ARMC9: variants seen among roughly 807,000 people sequenced by gnomAD.
The protein encoded by ARMC9 is armadillo repeat containing 9, also known as lisH domain-containing protein ARMC9.
In ARMC9, 94 loss-of-function variants were observed where a neutral mutation model predicts 107.0. The ratio of observed to expected loss-of-function variants is 0.88; its 90% CI spans 0.74 to 1.04. The LOEUF is 1.04. ARMC9 is among the 50% of genes least tolerant of loss of function. ARMC9 has a pLI of 0.00. For missense variants in ARMC9, 942 were observed against 1,030.1 expected (o/e 0.91, Z 1.17); for synonymous variants, 380 against 396.9 (o/e 0.96, Z 0.51).
chr2:231,299,839 A>G (rs1473976610), intron 19 of ARMC9, among the ~76,000 whole-genome samples: 1 of 152,206 alleles, frequency 6.6e-6, no homozygotes, highest in East Asian at 1.9e-4. Context: ...CCCCAGACCC[A>G]TTTAAACCTC....
At chr2:231,236,112 G>A (rs1274538045) in intron 8 of ARMC9, among the ~76,000 whole-genome samples, 1 of 152,118 alleles carries the variant, frequency 6.6e-6, no homozygotes, top group Non-Finnish European at 1.5e-5. Context: ...ATTAGCAAAG[G>A]ATAAATTGTC....
At chr2:231,286,432 G>A (rs894444532) in intron 17 of ARMC9, among the ~76,000 whole-genome samples, 2 of 152,176 alleles carry the variant, frequency 1.3e-5, no homozygotes, top group Admixed American at 6.5e-5. Flanking sequence ...GTATTTGTAT[G>A]TGTGTCAGCA....
At position 231,278,314 on chromosome 2, in the gene ARMC9, C is replaced by G; in HGVS notation, c.1475-68C>G. On this transcript the variant is annotated intron_variant, in intron 15 of 24. Coordinates refer to ENST00000611582, the MANE Select transcript of ARMC9 (RefSeq NM_001352754.2). ...GAGGAGCCAAGATTTGTCTCCAAGT[C>G]TACCTGACCTAAAATTGTGCTTCTG... is the stretch of plus-strand genomic sequence containing the variant. The G allele has an allele frequency of 1.4e-5, 21 of 1,510,774 alleles. 1 individual carries two copies. In the South Asian group the frequency reaches 2.3e-4, roughly 16 times the overall value. 93.6% of individuals were successfully genotyped at this position (1,510,774 alleles called of 1,614,324 possible).
chr2:231,228,107 G>A (rs533463191), intron 7 of ARMC9, among the ~76,000 whole-genome samples: 1 of 152,318 alleles, frequency 6.6e-6, no homozygotes, highest in East Asian at 1.9e-4. Context: ...CCCAGGCCTG[G>A]CCACGGTGCG....
chr2:231,249,623 A>G (rs970439903), intron 9 of ARMC9, among the ~76,000 whole-genome samples: 1 of 152,026 alleles, frequency 6.6e-6, no homozygotes, highest in Non-Finnish European at 1.5e-5. Flanking sequence ...TGGCTTAGGT[A>G]GGCATTTATT....
intron 9 of ARMC9, among the ~76,000 whole-genome samples, chr2:231,245,591 C>T (rs755446069): frequency 3.9e-4 from 59 of 152,358 alleles, no homozygotes; most frequent in Non-Finnish European, 6.3e-4. Flanking sequence ...CCTGCCCTCC[C>T]GTGGGAACCT....
intron 21 of ARMC9, among the ~76,000 whole-genome samples, chr2:231,350,989 C>T (rs1162432274): frequency 9.0e-5 from 9 of 99,592 alleles, no homozygotes; most frequent in East Asian, 3.0e-4. Context: ...GACAGAGTCT[C>T]GCTCTGTCAG....
intron 20 of ARMC9, among the ~76,000 whole-genome samples, chr2:231,343,828 A>G (rs749898389): frequency 6.6e-6 from 1 of 151,948 alleles, no homozygotes; most frequent in East Asian, 1.9e-4. Context: ...AATCCCATCT[A>G]CTGGGGAGGC....
At chr2:231,202,089 T>TCC (rs539912542) in intron 1 of ARMC9, among the ~76,000 whole-genome samples, 2 of 151,742 alleles carry the variant, frequency 1.3e-5, no homozygotes, top group Non-Finnish European at 2.9e-5. Context: ...AACCTCCACT[T>TCC]CCTGGGTTCA....
chr2:231,284,074 A>G (rs1178423703), intron 17 of ARMC9, among the ~76,000 whole-genome samples: 1 of 152,182 alleles, frequency 6.6e-6, no homozygotes, highest in Non-Finnish European at 1.5e-5. Flanking sequence ...TTGGTCAACA[A>G]AAGACTGCAT....
chr2:231,276,801 T>C (rs186698511), intron 15 of ARMC9, 26 bp downstream of exon 15: 2 of 1,612,174 alleles, frequency 1.2e-6, no homozygotes, highest in African/African-American at 2.7e-5. Context: ...CTCATTCTAG[T>C]GCAAGAAGGG....
At chr2:231,307,374 G>C (rs578058968) in intron 19 of ARMC9, among the ~76,000 whole-genome samples, 1 of 152,178 alleles carries the variant, frequency 6.6e-6, no homozygotes, top group South Asian at 2.1e-4. Flanking sequence ...ATGGCCAGGC[G>C]TGTAAGAGCC....
intron 8 of ARMC9, among the ~76,000 whole-genome samples, chr2:231,239,296 T>C (rs146535398): frequency 1.3e-5 from 2 of 152,240 alleles, no homozygotes; most frequent in East Asian, 3.9e-4. Context: ...TCGTAGCTGG[T>C]GAGAGAGGCA....
At chr2:231,339,048 G>A (rs1222234326) in intron 20 of ARMC9, among the ~76,000 whole-genome samples, 3 of 152,116 alleles carry the variant, frequency 2.0e-5, no homozygotes, top group Admixed American at 2.0e-4. Flanking sequence ...TATATGTATA[G>A]GCTGGGTGTG....
intron 19 of ARMC9, among the ~76,000 whole-genome samples, chr2:231,306,256 A>G (rs2042028817): frequency 6.6e-6 from 1 of 152,100 alleles, no homozygotes; most frequent in Admixed American, 6.5e-5. Context: ...CTATAAATCA[A>G]TTTGAGTGTT....
chr2:231,211,526 T>C (rs932684446), intron 3 of ARMC9, among the ~76,000 whole-genome samples: 2 of 151,656 alleles, frequency 1.3e-5, no homozygotes, highest in African/African-American at 4.9e-5. Flanking sequence ...AAGTGAGACT[T>C]TGTCTCAAAA....
chr2:231,344,959 T>C lies in ARMC9; in HGVS notation c.1879-16T>C. 2 of 1,613,730 alleles carry C rather than the reference T, an allele frequency of 1.2e-6. No individual in the cohort carries two copies. The highest frequency in any genetic ancestry group is 1.7e-6 in the Non-Finnish European group (2 of 1,179,840). On this transcript the variant is annotated splice_polypyrimidine_tract_variant and intron_variant, in intron 20 of 24. Coordinates refer to ENST00000611582, the MANE Select transcript of ARMC9 (RefSeq NM_001352754.2). ...TAGATATTTCTCCAGCCCTTTTTTCTCTTTCCTTCCACCAGATCATGACCA... is the reference window on the plus strand; with the variant it reads ...TAGATATTTCTCCAGCCCTTTTTTCCCTTTCCTTCCACCAGATCATGACCA...
At chr2:231,279,731 T>C (rs888820930) in intron 16 of ARMC9, among the ~76,000 whole-genome samples, 3 of 152,056 alleles carry the variant, frequency 2.0e-5, no homozygotes, top group South Asian at 4.2e-4. Flanking sequence ...AGGCTGGTCT[T>C]GAACTCCTGA....
At chr2:231,351,049 C>T (rs549441417) in intron 21 of ARMC9, among the ~76,000 whole-genome samples, 39 of 135,678 alleles carry the variant, frequency 2.9e-4, no homozygotes, top group South Asian at 2.1e-3. Context: ...AGCTCCATCT[C>T]CCAGTTCACG....
Sources: allele counts gnomAD v4.1 joint callset (sites outside exome capture counted in the v4.1 genomes callset), GRCh38; gene constraint gnomAD v4.1.1; transcripts MANE v1.5; gene names NCBI Gene and HGNC (gene_info 2026-07-23, HGNC 2026-07-21).